Variants in MGAT4A observed in about 807,000 individuals in gnomAD.
MGAT4A encodes the protein N-acetylglucosaminyltransferase IVa.
A neutral mutation model predicts 74.1 loss-of-function variants in MGAT4A; 33 were observed. The observed-to-expected ratio is 0.45, with a 90% CI of 0.34 to 0.60. The LOEUF is 0.60. Ranked by LOEUF, MGAT4A falls within the 20% of genes least tolerant of loss-of-function variation. The pLI is 0.02. For missense variants in MGAT4A, 479 were observed against 628.3 expected, an observed-to-expected ratio of 0.76 and a Z score of 2.54; for synonymous variants, 198 against 210.4, an observed-to-expected ratio of 0.94 and a Z score of 0.51.
intron 5 of MGAT4A, among the ~76,000 whole-genome samples, chr2:98,659,596 C>A (rs1194142937): frequency 1.3e-5 from 2 of 152,166 alleles, no homozygotes; most frequent in African/African-American, 2.4e-5. Context: ...ATCATGGGGG[C>A]AGTTTCCCCC....
intron 1 of MGAT4A, among the ~76,000 whole-genome samples, chr2:98,729,503 G>A (rs1008899387): frequency 6.6e-6 from 1 of 151,872 alleles, no homozygotes; most frequent in African/African-American, 2.4e-5. Flanking sequence ...TAATATTCTC[G>A]GAGACTATAA....
chr2:98,713,459 A>C (rs1211685689), intron 2 of MGAT4A, among the ~76,000 whole-genome samples: 2 of 151,474 alleles, frequency 1.3e-5, no homozygotes, highest in Non-Finnish European at 2.9e-5. Flanking sequence ...TTAAAAAAAA[A>C]AAAAAACAAA....
At chr2:98,727,795 T>G (rs756019795) in intron 1 of MGAT4A, among the ~76,000 whole-genome samples, 1 of 152,206 alleles carries the variant, frequency 6.6e-6, no homozygotes, top group African/African-American at 2.4e-5. Flanking sequence ...CACAGGGGCA[T>G]AGTACTAATA....
At chr2:98,683,230 G>A (rs2104295280) in intron 2 of MGAT4A, among the ~76,000 whole-genome samples, 1 of 152,292 alleles carries the variant, frequency 6.6e-6, no homozygotes, top group Non-Finnish European at 1.5e-5. Context: ...TCCTGGACCA[G>A]AAGAAATAAA....
intron 2 of MGAT4A, among the ~76,000 whole-genome samples, chr2:98,692,786 G>A (rs1702213094): frequency 6.6e-6 from 1 of 152,086 alleles, no homozygotes; most frequent in Non-Finnish European, 1.5e-5. Context: ...TACCATCTAG[G>A]TTTGTGTAAG....
At chr2:98,640,275 T>A in intron 10 of MGAT4A, 47 bp from the exon 11 acceptor site, 3 of 1,469,440 alleles carry the variant, frequency 2.0e-6, no homozygotes, top group Non-Finnish European at 2.8e-6. Flanking sequence ...TAAAGTGAAA[T>A]CTTGCCCTCA....
chr2:98,644,664 A>C (rs1701459283), intron 9 of MGAT4A, among the ~76,000 whole-genome samples: 2 of 149,908 alleles, frequency 1.3e-5, no homozygotes, highest in Admixed American at 1.3e-4. Context: ...ATTGAGTCTC[A>C]CTCTCGTCCC....
chr2:98,651,280 A>C (rs1452313638), intron 8 of MGAT4A, among the ~76,000 whole-genome samples: 2 of 152,234 alleles, frequency 1.3e-5, no homozygotes, highest in Non-Finnish European at 2.9e-5. Flanking sequence ...AAGGTAATGC[A>C]GGTGCATGAA....
At chr2:98,705,491 T>A (rs910067688) in intron 2 of MGAT4A, among the ~76,000 whole-genome samples, 1 of 152,208 alleles carries the variant, frequency 6.6e-6, no homozygotes, top group Non-Finnish European at 1.5e-5. Flanking sequence ...TACCCCAGCA[T>A]GACTGTCAAC....
At position 98,675,053 on chromosome 2, in the gene MGAT4A, C is replaced by A; in HGVS notation, c.385G>T (p.Gly129Cys). ...EGSLQPAVQI[G>C]NGRTGVSIVM... ...AACATACCTCCTGTTCTTCCGTTGC[C>A]AATCTGTACAGCAGGTTGAAGACTT... Residue 129 changes from glycine to cysteine, a missense_variant, in exon 4 of 16, where the codon GGC becomes TGC. By Grantham distance (159) the Gly-to-Cys change is radical. Around this residue, in one of 3 missense-constraint regions of MGAT4A, gnomAD observed 205 missense variants for 232.7 expected, o/e 0.88. Coordinates refer to ENST00000393487, the MANE Select transcript of MGAT4A (RefSeq NM_012214.3). The A allele has an allele frequency of 1.2e-6, 2 of 1,608,068 alleles. No homozygotes were observed. The highest frequency in any genetic ancestry group is 2.2e-5 in the South Asian group (2 of 89,230).
At chr2:98,652,118 T>C (rs1377492042) in intron 8 of MGAT4A, among the ~76,000 whole-genome samples, 2 of 152,130 alleles carry the variant, frequency 1.3e-5, no homozygotes, top group Non-Finnish European at 2.9e-5. Flanking sequence ...ACAATAATAC[T>C]AGGGGGTTTC....
intron 2 of MGAT4A, among the ~76,000 whole-genome samples, chr2:98,724,308 G>A (rs867804905): frequency 2.0e-5 from 3 of 152,186 alleles, no homozygotes; most frequent in South Asian, 2.1e-4. Flanking sequence ...TATTAGAATT[G>A]AGTCTCTCAA....
intron 2 of MGAT4A, among the ~76,000 whole-genome samples, chr2:98,680,191 G>A (rs957417191): frequency 2.6e-5 from 4 of 151,798 alleles, no homozygotes; most frequent in Non-Finnish European, 4.4e-5. Context: ...TTACAGGCGC[G>A]CGCCACCACA....
intron 2 of MGAT4A, among the ~76,000 whole-genome samples, chr2:98,712,826 C>G (rs1702536111): frequency 6.6e-6 from 1 of 152,178 alleles, no homozygotes; most frequent in African/African-American, 2.4e-5. Context: ...AAGTTACTTT[C>G]TAGCTTCCTA....
intron 2 of MGAT4A, among the ~76,000 whole-genome samples, chr2:98,714,248 G>A (rs10460485): frequency 0.19 from 29,640 of 152,074 alleles, 3,141 homozygotes; most frequent in African/African-American, 0.25. Flanking sequence ...ACCATGCCCG[G>A]CTAATTTTTT....
intron 2 of MGAT4A, among the ~76,000 whole-genome samples, chr2:98,709,486 C>T (rs563712400): frequency 3.9e-5 from 6 of 151,942 alleles, no homozygotes; most frequent in South Asian, 2.1e-4. Flanking sequence ...TATTATGAGG[C>T]GCAACAAAAA....
intron 2 of MGAT4A, among the ~76,000 whole-genome samples, chr2:98,714,877 C>T (rs1377014344): frequency 6.6e-6 from 1 of 152,102 alleles, no homozygotes; most frequent in African/African-American, 2.4e-5. Flanking sequence ...CAACAAAAGG[C>T]TCAGAAGCCA....
intron 2 of MGAT4A, among the ~76,000 whole-genome samples, chr2:98,724,406 G>A (rs1702730750): frequency 6.6e-6 from 1 of 152,164 alleles, no homozygotes; most frequent in Admixed American, 6.5e-5. Flanking sequence ...AGTGGCTACA[G>A]AAACGATAAC....
intron 1 of MGAT4A, 58 bp downstream of exon 1, chr2:98,730,990 G>A (rs1702847220): frequency 7.0e-6 from 1 of 142,874 alleles, no homozygotes; most frequent in South Asian, 1.8e-4. Flanking sequence ...CCTCCGCGCA[G>A]CCGCCCCGCG....
Sources: gnomAD v4.1 joint callset for allele counts (sites outside exome capture counted in the v4.1 genomes callset) on GRCh38, gnomAD v4.1.1 for gene constraint, gnomAD v4.1.1 regional missense constraint, MANE v1.5 for transcripts, NCBI Gene and HGNC (gene_info 2026-07-23, HGNC 2026-07-21) for gene names.